The following RPS6KA2 variants were observed in gnomAD, a reference collection of about 807,000 sequenced individuals.
RPS6KA2 encodes the protein ribosomal protein S6 kinase A2.
A neutral mutation model predicts 91.8 loss-of-function variants in RPS6KA2; 42 were observed. The ratio of observed to expected loss-of-function variants is 0.46; its 90% CI spans 0.36 to 0.59. The LOEUF (loss-of-function observed/expected upper bound fraction) is 0.59. Among genes scored for constraint, RPS6KA2 ranks in the 20% least tolerant of loss-of-function variants. The probability of loss-of-function intolerance (pLI) is 0.00; values close to 1 mark genes in which losing one functional copy is unlikely to be tolerated. For synonymous variants in RPS6KA2, 414 were observed against 393.6 expected, an observed-to-expected ratio of 1.05 and a Z score of -0.61; for missense variants, 798 against 978.5, an observed-to-expected ratio of 0.82 and a Z score of 2.46.
chr6:166,615,639 A>G (rs1247259545), intron 1 of RPS6KA2, among the ~76,000 whole-genome samples: 1 of 152,200 alleles, frequency 6.6e-6, no homozygotes, highest in African/African-American at 2.4e-5. Flanking sequence ...CGCTCCGCTC[A>G]TACCAGGTAG....
chr6:166,781,228 T>C (rs1778761455), intron 2 of RPS6KA2, among the ~76,000 whole-genome samples: 1 of 152,270 alleles, frequency 6.6e-6, no homozygotes, highest in Admixed American at 6.5e-5. Flanking sequence ...TAGGTCATTA[T>C]CAACTATTTT....
intron 3 of RPS6KA2, among the ~76,000 whole-genome samples, chr6:166,526,607 C>T (rs1335426477): frequency 2.6e-5 from 4 of 152,116 alleles, no homozygotes; most frequent in Non-Finnish European, 4.4e-5. Context: ...ACCTCTGCCC[C>T]CTAAAGTGCT....
rs569527521 is a variant in RPS6KA2, at chr6:166,735,836, A to G, written c.123+122364T>C. Among the ~76,000 whole-genome samples the G allele has an allele frequency of 4.6e-5, 7 of 152,376 alleles. No individual in the cohort carries two copies. The East Asian group carries it at 1.3e-3, about 29-fold the overall frequency. On this transcript the variant is annotated intron_variant, in intron 2 of 21. Transcript: ENST00000503859. ...TGTGTGGCCTAGTTCCTAACAGGAC[A>G]TGGTCTGTGGCCGAGGGGTTGAGGA...
rs1474593459 is a variant in RPS6KA2 at position 166,454,937 on chromosome 6, TA to T, written c.1076-3705del. ...AAATAGAATACTATAATACATTATA[TA>T]ATATGTAAATTTATAATATATGAAA... is the stretch of plus-strand genomic sequence containing the variant. On this transcript the variant is annotated intron_variant, in intron 12 of 20. Coordinates refer to ENST00000265678, the MANE Select transcript of RPS6KA2 (RefSeq NM_021135.6). Among the ~76,000 whole-genome samples, 7 of 150,572 alleles carry T rather than the reference TA, an allele frequency of 4.6e-5. No individual in the cohort carries two copies. The East Asian group carries it at 1.4e-3, about 29-fold the overall frequency.
chr6:166,448,511 C>T lies in RPS6KA2; in HGVS notation c.1332+213G>A, dbSNP rs1328001267. On this transcript the variant is annotated intron_variant, in intron 14 of 20. Transcript: ENST00000265678. This position sits in a 1 kb window ranked among gnomAD's most constrained non-coding sequence, Gnocchi z 4.7. ...AATGGAGAGAATGTTCACTCAGGCT[C>T]AGGTGTCCCTGCTGGAGTCACTGCA... Among the ~76,000 whole-genome samples the T allele has an allele frequency of 6.6e-6, 1 of 152,246 alleles. No homozygotes were observed. Among genetic ancestry groups the T allele is most frequent in the Non-Finnish European group, 1.5e-5 (1 of 68,042 alleles).
At chr6:166,812,183 C>G (rs541003965) in intron 2 of RPS6KA2, among the ~76,000 whole-genome samples, 1 of 152,136 alleles carries the variant, frequency 6.6e-6, no homozygotes, top group African/African-American at 2.4e-5. Flanking sequence ...TGGTGAAACC[C>G]TGTCTCTACT....
chr6:166,539,109 G>A (rs1314171043), intron 1 of RPS6KA2, among the ~76,000 whole-genome samples: 3 of 151,998 alleles, frequency 2.0e-5, no homozygotes, highest in Non-Finnish European at 4.4e-5. Flanking sequence ...TAATAGAGAC[G>A]AGATTTCACC....
At chr6:166,627,297 T>C (rs1427662703), upstream of RPS6KA2, 18 of 886,464 alleles carry the variant, frequency 2.0e-5, no homozygotes, top group Non-Finnish European at 2.4e-5. Flanking sequence ...CCACCACCAC[T>C]ACCACCAATC....
At position 166,493,491 on chromosome 6, in the gene RPS6KA2, C is replaced by T. The variant is rs1050067901; in HGVS notation, c.748-2750G>A. On this transcript the variant is annotated intron_variant, in intron 8 of 20. Transcript: ENST00000265678. This position sits in a 1 kb window ranked among gnomAD's most constrained non-coding sequence, Gnocchi z 4.7. ...CAGCACTGAGACTTGCCAAGGCTTC[C>T]GGGGTGAACTGAGAAAAGCCGAGGT... Among the ~76,000 whole-genome samples the T allele has an allele frequency of 2.6e-5, 4 of 152,036 alleles. No individual in the cohort carries two copies. Among genetic ancestry groups the T allele is most frequent in the African/African-American group, 7.2e-5 (3 of 41,404 alleles).
chr6:166,543,977 G>T (rs544787480), intron 1 of RPS6KA2, among the ~76,000 whole-genome samples: 2 of 152,222 alleles, frequency 1.3e-5, no homozygotes, highest in Non-Finnish European at 2.9e-5. Context: ...GGCCAGCCCT[G>T]GGATTTGTCA....
intron 2 of RPS6KA2, among the ~76,000 whole-genome samples, chr6:166,819,065 G>A (rs1185358900): frequency 6.6e-6 from 1 of 151,920 alleles, no homozygotes; most frequent in East Asian, 1.9e-4. Context: ...GAATTTCTGG[G>A]GTTTAGCACA....
intron 2 of RPS6KA2, among the ~76,000 whole-genome samples, chr6:166,637,605 G>A (rs1021451999): frequency 5.3e-5 from 8 of 152,240 alleles, no homozygotes; most frequent in African/African-American, 1.7e-4. Flanking sequence ...CTAACCAAGC[G>A]CTCAGAACTT....
In RPS6KA2 at chr6:166,764,718, G is replaced by A. The variant is rs186876373; in HGVS notation, c.123+93482C>T. Among the ~76,000 whole-genome samples the A allele has an allele frequency of 1.4e-4, 21 of 152,310 alleles. No homozygotes were observed. The East Asian group carries it at 3.1e-3, about 22-fold the overall frequency. ...ACAAGGAGCCTGCAGCCATGAGCCCGCAACCCCTGACAACGGGAGGAAGAC... is the reference window on the plus strand; with the variant it reads ...ACAAGGAGCCTGCAGCCATGAGCCCACAACCCCTGACAACGGGAGGAAGAC... On this transcript the variant is annotated intron_variant, in intron 2 of 21. Transcript: ENST00000503859.
chr6:166,504,473 T>G (rs778695697), intron 6 of RPS6KA2, 33 bp downstream of exon 6: 3 of 1,288,538 alleles, frequency 2.3e-6, no homozygotes, highest in Non-Finnish European at 3.4e-6. Flanking sequence ...CTGATGGGCG[T>G]GGGGAAGTCA....
rs1295398116 is a variant in RPS6KA2 at position 166,411,241 on chromosome 6, C to A, written c.*1521G>T. On this transcript the variant is annotated 3_prime_UTR_variant, in exon 21 of 21. Coordinates refer to ENST00000265678, the MANE Select transcript of RPS6KA2 (RefSeq NM_021135.6). The surrounding 1 kb of genome is among the most constrained non-coding windows in gnomAD (Gnocchi z 4.5). ...TTATTTTTTTTTTTTTAGTTGGGTA[C>A]GAGAATCGAGATGGAGGGGGAACAA... is the stretch of plus-strand genomic sequence containing the variant. 6.6e-6 allele frequency: 1 copy of A among 150,584 alleles called. No individual in the cohort carries two copies. Among genetic ancestry groups the A allele is most frequent in the Non-Finnish European group, 1.5e-5 (1 of 67,774 alleles). 9.3% of individuals were successfully genotyped at this position (150,584 alleles called of 1,614,324 possible).
intron 4 of RPS6KA2, 107 bp downstream of exon 4, chr6:166,510,170 T>C (rs1782411366): frequency 1.5e-6 from 1 of 679,314 alleles, no homozygotes; most frequent in African/African-American, 1.8e-5. Flanking sequence ...CTCTATGGTA[T>C]AGGAAAGATT....
chr6:166,858,361 G>A (rs917833957), intron 1 of RPS6KA2: 26 of 677,792 alleles, frequency 3.8e-5, no homozygotes, highest in East Asian at 1.6e-4. Flanking sequence ...TAAATATCCC[G>A]CATGATTTCT....
chr6:166,604,468 C>T (rs573210378), intron 1 of RPS6KA2, among the ~76,000 whole-genome samples: 24 of 152,294 alleles, frequency 1.6e-4, no homozygotes, highest in African/African-American at 4.1e-4. Context: ...CGTGCTTCCC[C>T]GCTGGGGTAA....
rs1780193964 is a variant in RPS6KA2 at position 166,459,187 on chromosome 6, G to C, written c.1075+262C>G. ...GCTGTGTGTCTCTCTGACACAGGAA[G>C]TAACTGGACCGGTGTCTTGGAATAA... On this transcript the variant is annotated intron_variant, in intron 12 of 20. Coordinates refer to ENST00000265678, the MANE Select transcript of RPS6KA2 (RefSeq NM_021135.6). The surrounding 1 kb of genome is among the most constrained non-coding windows in gnomAD (Gnocchi z 4.9). Among the ~76,000 whole-genome samples the C allele has an allele frequency of 1.3e-5, 2 of 152,208 alleles. No individual in the cohort carries two copies. The highest frequency in any genetic ancestry group is 1.3e-4 in the Admixed American group (2 of 15,284).
Sources: gnomAD v4.1 joint callset for allele counts (sites outside exome capture counted in the v4.1 genomes callset) on GRCh38, gnomAD v4.1.1 for gene constraint, Gnocchi (gnomAD v3.1) non-coding constraint, MANE v1.5 for transcripts, NCBI Gene and HGNC (gene_info 2026-07-23, HGNC 2026-07-21) for gene names.